GABRB1: variants seen among roughly 807,000 people sequenced by gnomAD.
GABRB1 encodes the protein gamma-aminobutyric acid type A receptor subunit beta1.
A neutral mutation model predicts 51.6 loss-of-function variants in GABRB1; 17 were observed. That is an observed-to-expected ratio of 0.33 (90% CI 0.23 to 0.49). The LOEUF is 0.49. Among genes scored for constraint, GABRB1 ranks in the 20% least tolerant of loss-of-function variants. The pLI is 0.99. For synonymous variants in GABRB1, 247 were observed against 218.9 expected, an observed-to-expected ratio of 1.13 and a Z score of -1.14; for missense variants, 410 against 600.6, an observed-to-expected ratio of 0.68 and a Z score of 3.32.
intron 1 of GABRB1, among the ~76,000 whole-genome samples, chr4:47,018,072 C>T (rs1374930720): frequency 2.0e-5 from 3 of 151,558 alleles, no homozygotes; most frequent in Admixed American, 2.0e-4. Context: ...TCTTCCTCCT[C>T]CTCCTTCTTC....
At position 47,406,667 on chromosome 4, in the gene GABRB1, C is replaced by G. The variant is rs1728583632; in HGVS notation, c.836-15C>G. 1 of 1,613,930 alleles carries G rather than the reference C, an allele frequency of 6.2e-7. No individual in the cohort carries two copies. The highest frequency in any genetic ancestry group is 8.5e-7 in the Non-Finnish European group (1 of 1,179,842). On this transcript the variant is annotated splice_polypyrimidine_tract_variant and intron_variant, in intron 7 of 8. Transcript: ENST00000295454. ...AGTGGCACCTTCAGCTAAGTGTTGT[C>G]TTTCTCTTTCACAGGAATCACGACA...
At chr4:47,241,714 GT>G in intron 4 of GABRB1, among the ~76,000 whole-genome samples, 1 of 151,836 alleles carries the variant, frequency 6.6e-6, no homozygotes, top group East Asian at 1.9e-4. Flanking sequence ...CCTATGGAAT[GT>G]GAATCATGAA....
chr4:47,035,294 A>G (rs1450926157), intron 3 of GABRB1, among the ~76,000 whole-genome samples: 1 of 151,692 alleles, frequency 6.6e-6, no homozygotes, highest in Non-Finnish European at 1.5e-5. Context: ...TGAAAAATTA[A>G]GTGTTTTCTT....
intron 5 of GABRB1, among the ~76,000 whole-genome samples, chr4:47,372,781 G>A (rs561329448): frequency 6.6e-6 from 1 of 152,300 alleles, no homozygotes; most frequent in East Asian, 1.9e-4. Flanking sequence ...GGCATCCAAA[G>A]ACTGCCTCTC....
chr4:47,246,325 CACACATATGT>C (rs1721742957), intron 4 of GABRB1, among the ~76,000 whole-genome samples: 2 of 76,838 alleles, frequency 2.6e-5, no homozygotes, highest in Non-Finnish European at 2.6e-5. Context: ...CACACACACA[CACACATATGT>C]ACATATATAT....
intron 4 of GABRB1, among the ~76,000 whole-genome samples, chr4:47,310,271 G>A (rs1724623052): frequency 1.3e-5 from 2 of 152,124 alleles, no homozygotes; most frequent in African/African-American, 4.8e-5. Context: ...AGTAGACAGT[G>A]GCTCCATCTT....
chr4:47,092,794 T>C (rs1051033957), intron 3 of GABRB1, among the ~76,000 whole-genome samples: 9 of 152,032 alleles, frequency 5.9e-5, no homozygotes, highest in African/African-American at 2.2e-4. Context: ...TTGTGTTTTT[T>C]AGTAGAGATG....
At chr4:47,004,572 G>T (rs1458277361) in intron 1 of GABRB1, among the ~76,000 whole-genome samples, 8 of 152,156 alleles carry the variant, frequency 5.3e-5, no homozygotes, top group Middle Eastern at 3.4e-3. Flanking sequence ...CAATGTCTTT[G>T]ACTATTAAAG....
In GABRB1 at chr4:47,144,390, C is replaced by CA. The variant is rs561439452; in HGVS notation, c.241-16852dup. ...GCACCAAAGTATGGTCAAATATGTACAAAAAAATGTAGCTGCAGACATGTC... is the reference window on the plus strand; with the variant it reads ...GCACCAAAGTATGGTCAAATATGTACAAAAAAAATGTAGCTGCAGACATGTC... On this transcript the variant is annotated intron_variant, in intron 3 of 8. Transcript: ENST00000295454. Among the ~76,000 whole-genome samples the CA allele has an allele frequency of 4.7e-3, 715 of 151,942 alleles. 10 individuals are homozygous for CA. Among genetic ancestry groups the CA allele is most frequent in the African/African-American group, 0.017 (689 of 41,510 alleles).
At chr4:47,044,566 G>C (rs557566215) in intron 3 of GABRB1, among the ~76,000 whole-genome samples, 1 of 151,874 alleles carries the variant, frequency 6.6e-6, no homozygotes. Context: ...TGAGTGTCAC[G>C]AGATATATAT....
chr4:47,076,241 C>T (rs1434228524), intron 3 of GABRB1, among the ~76,000 whole-genome samples: 2 of 152,218 alleles, frequency 1.3e-5, no homozygotes, highest in Non-Finnish European at 2.9e-5. Flanking sequence ...GTGCTTGTTC[C>T]TTCAGCCCCT....
intron 3 of GABRB1, among the ~76,000 whole-genome samples, chr4:47,122,682 C>T (rs1230817115): frequency 2.6e-5 from 4 of 152,166 alleles, no homozygotes; most frequent in Non-Finnish European, 5.9e-5. Context: ...GTATGATAGA[C>T]TTGGTTCTGC....
chr4:47,153,338 T>A (rs1347838838), intron 3 of GABRB1, among the ~76,000 whole-genome samples: 1 of 152,058 alleles, frequency 6.6e-6, no homozygotes, highest in Non-Finnish European at 1.5e-5. Context: ...CATTTAACTA[T>A]ATCTTACCAT....
intron 5 of GABRB1, among the ~76,000 whole-genome samples, chr4:47,393,545 G>T (rs1415725567): frequency 2.0e-5 from 3 of 152,176 alleles, no homozygotes; most frequent in East Asian, 1.9e-4. Flanking sequence ...TACTGAAATT[G>T]TTGAGGATTT....
intron 3 of GABRB1, among the ~76,000 whole-genome samples, chr4:47,042,777 A>G (rs1468572346): frequency 6.6e-6 from 1 of 151,962 alleles, no homozygotes; most frequent in African/African-American, 2.4e-5. Flanking sequence ...AGTTAAAATT[A>G]TGTCTAATCC....
chr4:47,123,442 A>C (rs1715888848), intron 3 of GABRB1, among the ~76,000 whole-genome samples: 1 of 117,544 alleles, frequency 8.5e-6, no homozygotes, highest in East Asian at 2.2e-4. Context: ...ATAATATATT[A>C]TTTTATATAT....
At chr4:47,397,635 C>T (rs941683459) in intron 5 of GABRB1, among the ~76,000 whole-genome samples, 2 of 151,856 alleles carry the variant, frequency 1.3e-5, no homozygotes, top group East Asian at 3.8e-4. Flanking sequence ...GGTGAAATCT[C>T]GACTCACTGC....
intron 4 of GABRB1, among the ~76,000 whole-genome samples, chr4:47,195,490 G>A (rs1417925220): frequency 2.3e-5 from 2 of 87,720 alleles, no homozygotes; most frequent in Non-Finnish European, 5.1e-5. Context: ...TAGATAGATA[G>A]ATAGATAGAT....
intron 5 of GABRB1, among the ~76,000 whole-genome samples, chr4:47,381,023 G>T (rs1377164340): frequency 2.0e-5 from 3 of 152,034 alleles, no homozygotes; most frequent in South Asian, 4.2e-4. Context: ...CTTTCCCATG[G>T]CATTGATAGA....
Sources: allele counts gnomAD v4.1 joint callset (sites outside exome capture counted in the v4.1 genomes callset), GRCh38; gene constraint gnomAD v4.1.1; transcripts MANE v1.5; gene names NCBI Gene and HGNC (gene_info 2026-07-23, HGNC 2026-07-21).